The following NSD2 variants were observed in gnomAD, a reference collection of about 807,000 sequenced individuals.
NSD2 encodes the protein histone-lysine N-methyltransferase NSD2.
A neutral mutation model predicts 139.0 loss-of-function variants in NSD2; 12 were observed. That is an observed-to-expected ratio of 0.09 (90% CI 0.06 to 0.14). The LOEUF (loss-of-function observed/expected upper bound fraction) is 0.14. Ranked by LOEUF, NSD2 falls within the 10% of genes least tolerant of loss-of-function variation. The pLI is 1.00. For missense variants in NSD2, 1,155 were observed against 1,745.0 expected (o/e 0.66, Z 6.02); for synonymous variants, 669 against 648.7 (o/e 1.03, Z -0.48).
rs1365947799 is a variant in NSD2 at position 1,948,025 on chromosome 4, G to A, written c.1882-3047G>A. On this transcript the variant is annotated intron_variant, in intron 9 of 21. Coordinates refer to ENST00000508803, the MANE Select transcript of NSD2 (RefSeq NM_001042424.3). The surrounding 1 kb of genome is among the most constrained non-coding windows in gnomAD (Gnocchi z 4.5). ...CCGTTATGTTTGGTAATATCATCTT[G>A]AAAAGTCCCTGTAATAGATCAAGGA... is the stretch of plus-strand genomic sequence containing the variant. The A allele has an allele frequency of 2.8e-6, 3 of 1,056,174 alleles. No individual in the cohort carries two copies. In the East Asian group the frequency reaches 1.6e-4, roughly 56 times the overall value. 65.4% of individuals were successfully genotyped at this position (1,056,174 alleles called of 1,614,324 possible). A position where few individuals can be genotyped will look rare whatever the true frequency, so the allele number is the denominator to read the frequency against.
At chr4:1,967,619 A>T (rs1396741174) in intron 18 of NSD2, among the ~76,000 whole-genome samples, 1 of 152,144 alleles carries the variant, frequency 6.6e-6, no homozygotes, top group Non-Finnish European at 1.5e-5. Flanking sequence ...CAGTGGGTTT[A>T]CTGGGACATA....
chr4:1,973,182 C>T lies in NSD2; in HGVS notation c.3373-1681C>T, dbSNP rs886501256. 6.6e-6 allele frequency among the ~76,000 whole-genome samples: 1 copy of T among 152,170 alleles called. No homozygotes were observed. The highest frequency in any genetic ancestry group is 2.4e-5 in the African/African-American group (1 of 41,436). ...TAAAGGGGTCTGATGTTTGGAATAT[C>T]TAGGGAACATCTGTAAGTCAGTTAA... On this transcript the variant is annotated intron_variant, in intron 18 of 21. Transcript: ENST00000508803. This position sits in a 1 kb window ranked among gnomAD's most constrained non-coding sequence, Gnocchi z 5.5.
At chr4:1,872,500 G>C (rs932795659) in intron 1 of NSD2, among the ~76,000 whole-genome samples, 3 of 151,616 alleles carry the variant, frequency 2.0e-5, no homozygotes, top group Non-Finnish European at 1.5e-5. Flanking sequence ...TGACATTCAA[G>C]TGGAAACATA....
At chr4:1,944,000 C>T in intron 9 of NSD2, 2 of 1,065,684 alleles carry the variant, frequency 1.9e-6, no homozygotes, top group Non-Finnish European at 2.3e-6. Context: ...CAAATGGTGT[C>T]CAAAGAGCAG....
chr4:1,956,614 C>G lies in NSD2; in HGVS notation c.2881+426C>G, dbSNP rs185507250. Among the ~76,000 whole-genome samples, 171 of 152,180 alleles carry G rather than the reference C, an allele frequency of 1.1e-3. No homozygotes were observed. The highest frequency in any genetic ancestry group is 1.9e-3 in the Non-Finnish European group (130 of 67,990). ...AGACAAGGTGCTTGGCCTCTGATTC[C>G]CCAGCTGGGGTGGGAGGCAGGAGCA... On this transcript the variant is annotated intron_variant, in intron 15 of 21. Coordinates refer to ENST00000508803, the MANE Select transcript of NSD2 (RefSeq NM_001042424.3). The surrounding 1 kb of genome is among the most constrained non-coding windows in gnomAD (Gnocchi z 5.3).
intron 9 of NSD2, among the ~76,000 whole-genome samples, chr4:1,949,002 G>C (rs992077061): frequency 6.6e-6 from 1 of 152,210 alleles, no homozygotes; most frequent in Non-Finnish European, 1.5e-5. Flanking sequence ...CCATCAGATG[G>C]GTCAGCTTGG....
intron 8 of NSD2, among the ~76,000 whole-genome samples, 175 bp downstream of exon 8, chr4:1,938,707 G>C (rs1722754285): frequency 6.6e-6 from 1 of 152,008 alleles, no homozygotes; most frequent in Non-Finnish European, 1.5e-5. Context: ...TCCTGTGGTT[G>C]AAAACTAAAC....
chr4:1,982,049 A>G lies in NSD2; in HGVS notation c.*3140A>G. 2.5e-6 allele frequency: 1 copy of G among 397,922 alleles called. No individual in the cohort carries two copies. The highest frequency in any genetic ancestry group is 4.4e-6 in the Non-Finnish European group (1 of 225,872). 24.6% of individuals were successfully genotyped at this position (397,922 alleles called of 1,614,324 possible). On this transcript the variant is annotated 3_prime_UTR_variant, in exon 22 of 22. Coordinates refer to ENST00000508803, the MANE Select transcript of NSD2 (RefSeq NM_001042424.3). ...CCAGGTTTGATAGTTAGACTTAAAA[A>G]CTTGAAATTCACTTTTTGGGGGGAG...
chr4:1,931,135 A>G (rs7669316), intron 6 of NSD2, among the ~76,000 whole-genome samples: 7,220 of 152,178 alleles, frequency 0.047, 561 homozygotes, highest in African/African-American at 0.16. Context: ...TGGTAGGGTC[A>G]GCCTTCAGGC....
chr4:1,922,284 C>T (rs1720250533), intron 5 of NSD2, among the ~76,000 whole-genome samples: 1 of 152,104 alleles, frequency 6.6e-6, no homozygotes. Flanking sequence ...AATTAACATA[C>T]AAGTGCAGCA....
chr4:1,888,990 C>T (rs1336413423), intron 1 of NSD2, among the ~76,000 whole-genome samples: 8 of 150,486 alleles, frequency 5.3e-5, no homozygotes, highest in African/African-American at 9.8e-5. Flanking sequence ...CTCCACCTCC[C>T]GGGTTCAAGT....
rs1040443150 is a variant in NSD2 at position 1,955,608 on chromosome 4, T to C, written c.2519-85T>C. ...AACTGATGTTTATAAGTTAAGGCTG[T>C]AATAAGTGTAGACTGTGAAGCACTG... On this transcript the variant is annotated intron_variant, in intron 13 of 21. Coordinates refer to ENST00000508803, the MANE Select transcript of NSD2 (RefSeq NM_001042424.3). This position sits in a 1 kb window ranked among gnomAD's most constrained non-coding sequence, Gnocchi z 4.7. 1.4e-5 allele frequency: 21 copies of C among 1,451,868 alleles called. No individual in the cohort carries two copies. The highest frequency in any genetic ancestry group is 2.5e-5 in the East Asian group (1 of 40,484). The allele number at this position is 1,451,868 out of a possible 1,614,324, so 89.9% of individuals were successfully genotyped here.
chr4:1,900,619 A>G lies in NSD2; in HGVS notation c.-29-7A>G, dbSNP rs1441280984. On this transcript the variant is annotated splice_region_variant and splice_polypyrimidine_tract_variant and intron_variant, in intron 1 of 21. Coordinates refer to ENST00000508803, the MANE Select transcript of NSD2 (RefSeq NM_001042424.3). ...TTCTTTCTTTTTTCTTTTTTTTAATACCATAGTGTTCTAAGAACGGAAGCA... is the reference window on the plus strand; with the variant it reads ...TTCTTTCTTTTTTCTTTTTTTTAATGCCATAGTGTTCTAAGAACGGAAGCA... The G allele has an allele frequency of 1.3e-6, 2 of 1,485,722 alleles. No individual in the cohort carries two copies. The highest frequency in any genetic ancestry group is 4.9e-5 in the Admixed American group (2 of 40,624). The allele number at this position is 1,485,722 out of a possible 1,614,324, so 92.0% of individuals were successfully genotyped here.
chr4:1,972,384 G>A lies in NSD2; in HGVS notation c.3373-2479G>A, dbSNP rs1035272432. Among the ~76,000 whole-genome samples, 1 of 152,208 alleles carries A rather than the reference G, an allele frequency of 6.6e-6. No individual in the cohort carries two copies. Among genetic ancestry groups the A allele is most frequent in the Non-Finnish European group, 1.5e-5 (1 of 68,044 alleles). Reference sequence around the variant, plus strand: ...TAGGTGCGATAAAAATAGCAAAAACGTTTAAATATACCTGGACAGGCAATT... The same window carrying A: ...TAGGTGCGATAAAAATAGCAAAAACATTTAAATATACCTGGACAGGCAATT... On this transcript the variant is annotated intron_variant, in intron 18 of 21. Transcript: ENST00000508803. This position sits in a 1 kb window ranked among gnomAD's most constrained non-coding sequence, Gnocchi z 4.0.
rs111257046 is a variant in NSD2 at position 1,975,278 on chromosome 4, TCTC to T, written c.3515-12_3515-10del. 6.4e-5 allele frequency: 104 copies of T among 1,613,332 alleles called. No individual in the cohort carries two copies. The highest frequency in any genetic ancestry group is 3.5e-4 in the African/African-American group (26 of 75,030). ...GCAGGTGTTTCCAATTTGGTGTCTG[TCTC>T]CTCTTCTCCCAGGGACGGAGCTGAC... On this transcript the variant is annotated splice_polypyrimidine_tract_variant and intron_variant, in intron 19 of 21. Coordinates refer to ENST00000508803, the MANE Select transcript of NSD2 (RefSeq NM_001042424.3).
At chr4:1,941,906 A>C (rs1723140243) in intron 9 of NSD2, 1 of 1,070,114 alleles carries the variant, frequency 9.3e-7, no homozygotes, top group Admixed American at 5.0e-5. Context: ...GGCAAAGTGT[A>C]GTGTTATAAA....
intron 3 of NSD2, among the ~76,000 whole-genome samples, chr4:1,915,409 C>T (rs940119415): frequency 1.3e-5 from 2 of 152,084 alleles, no homozygotes; most frequent in East Asian, 1.9e-4. Context: ...CCACTGCACC[C>T]GGCCTGAATT....
At chr4:1,952,879 G>A (rs1453030259) in intron 11 of NSD2, 1 of 1,350,334 alleles carries the variant, frequency 7.4e-7, no homozygotes, top group East Asian at 2.8e-5. Flanking sequence ...CCTGGGTCAG[G>A]AAGACACCTG....
In NSD2 at chr4:1,953,884, TGGGCTCAAGCTGTCCTCTC is replaced by T. The variant is rs772010562; in HGVS notation, c.2338+378_2338+396del. On this transcript the variant is annotated intron_variant, in intron 12 of 21. Transcript: ENST00000508803. ...ACAGCTCACTGCATCCTTGACCTCC[TGGGCTCAAGCTGTCCTCTC>T]GGGCTCAAGCTGTCCTCCTGCCTCA... 5.9e-4 allele frequency among the ~76,000 whole-genome samples: 90 copies of T among 151,614 alleles called. 1 individual carries two copies. The highest frequency in any genetic ancestry group is 1.3e-3 in the Admixed American group (20 of 15,212).
Sources: gnomAD v4.1 joint callset for allele counts (sites outside exome capture counted in the v4.1 genomes callset) on GRCh38, gnomAD v4.1.1 for gene constraint, Gnocchi (gnomAD v3.1) non-coding constraint, MANE v1.5 for transcripts, NCBI Gene and HGNC (gene_info 2026-07-23, HGNC 2026-07-21) for gene names.